SLC25A48: variants seen among roughly 807,000 people sequenced by gnomAD.
The protein encoded by SLC25A48 is CTC-321K16.1.
Under a neutral mutation model 32.2 loss-of-function variants are expected in SLC25A48, and 29 were observed. The ratio of observed to expected loss-of-function variants is 0.90; its 90% CI spans 0.67 to 1.23. The LOEUF (loss-of-function observed/expected upper bound fraction) is 1.23. SLC25A48 is among the 50% of genes most tolerant of loss of function. The pLI is 0.00. For synonymous variants in SLC25A48, 164 were observed against 172.3 expected (o/e 0.95, Z 0.38); for missense variants, 399 against 422.7 (o/e 0.94, Z 0.49).
chr5:135,820,688 A>T (rs1383601517), intron 4 of SLC25A48, among the ~76,000 whole-genome samples: 1 of 152,240 alleles, frequency 6.6e-6, no homozygotes. Flanking sequence ...CTATTTTGGT[A>T]TTTCAAATCA....
intron 6 of SLC25A48, among the ~76,000 whole-genome samples, chr5:135,877,052 C>T (rs974724187): frequency 1.3e-4 from 20 of 152,282 alleles, no homozygotes; most frequent in Admixed American, 5.9e-4. Context: ...TTAATAATGA[C>T]GATGGTGACC....
chr5:135,644,583 T>C (rs1198088934), intron 3 of SLC25A48, among the ~76,000 whole-genome samples: 1 of 152,122 alleles, frequency 6.6e-6, no homozygotes, highest in East Asian at 1.9e-4. Context: ...GTCTTCATCA[T>C]AGCCCTGCAA....
At position 135,629,366 on chromosome 5, in the gene SLC25A48, T is replaced by C. The variant is rs1752507216; in HGVS notation, c.-719T>C. 1 of 152,244 alleles carries C rather than the reference T, an allele frequency of 6.6e-6. No individual in the cohort carries two copies. Among genetic ancestry groups the C allele is most frequent in the African/African-American group, 2.4e-5 (1 of 41,450 alleles). 9.4% of individuals were successfully genotyped at this position (152,244 alleles called of 1,614,324 possible). ...GAACGCAGCACCTGTGGCTAAGTTG[T>C]GGTCTCACAGGTCAGTGTGGGCCCT... is the stretch of plus-strand genomic sequence containing the variant. On this transcript the variant is annotated 5_prime_UTR_variant, in exon 2 of 11. Coordinates refer to the SLC25A48 transcript ENST00000646290. This position sits in a 1 kb window ranked among gnomAD's most constrained non-coding sequence, Gnocchi z 4.8.
At chr5:135,866,776 C>A (rs1219525375) in intron 4 of SLC25A48, among the ~76,000 whole-genome samples, 1 of 152,230 alleles carries the variant, frequency 6.6e-6, no homozygotes, top group Non-Finnish European at 1.5e-5. Context: ...GAGGCCTGGG[C>A]CCTCCTCCAC....
chr5:135,778,430 A>C (rs1756625200), intron 3 of SLC25A48, among the ~76,000 whole-genome samples: 1 of 151,830 alleles, frequency 6.6e-6, no homozygotes, highest in South Asian at 2.1e-4. Flanking sequence ...CCTATACAGC[A>C]GGTGGTGTAC....
At chr5:135,589,258 G>A (rs1751450044) in intron 1 of SLC25A48, among the ~76,000 whole-genome samples, 1 of 152,208 alleles carries the variant, frequency 6.6e-6, no homozygotes, top group Admixed American at 6.5e-5. Flanking sequence ...TTAAATTTGG[G>A]GTTCTCAAAG....
intron 3 of SLC25A48, among the ~76,000 whole-genome samples, chr5:135,681,742 G>C (rs1482098921): frequency 6.6e-6 from 1 of 152,128 alleles, no homozygotes; most frequent in Non-Finnish European, 1.5e-5. Flanking sequence ...TCCTTTTGCA[G>C]CTTACTTTTT....
At chr5:135,630,046 C>G (rs1222823102) in intron 2 of SLC25A48, among the ~76,000 whole-genome samples, 2 of 152,204 alleles carry the variant, frequency 1.3e-5, no homozygotes, top group Non-Finnish European at 2.9e-5. Flanking sequence ...CTCTTCACTT[C>G]CACCAGGAGG....
intron 3 of SLC25A48, among the ~76,000 whole-genome samples, chr5:135,728,110 G>T (rs1330827217): frequency 6.6e-6 from 1 of 152,008 alleles, no homozygotes; most frequent in Non-Finnish European, 1.5e-5. Context: ...ACAACAATTA[G>T]CTGGGCATGG....
chr5:135,608,024 G>A (rs1234081459), intron 1 of SLC25A48, among the ~76,000 whole-genome samples: 1 of 73,898 alleles, frequency 1.4e-5, no homozygotes. Context: ...GAACATGTGT[G>A]TGAATTTTTA....
intron 7 of SLC25A48, among the ~76,000 whole-genome samples, chr5:135,882,394 C>T (rs2126841501): frequency 6.6e-6 from 1 of 152,216 alleles, no homozygotes; most frequent in South Asian, 2.1e-4. Flanking sequence ...CTTTGAATGC[C>T]TCCCTCATTG....
chr5:135,723,207 G>A (rs1036241755), intron 3 of SLC25A48, among the ~76,000 whole-genome samples: 10 of 152,156 alleles, frequency 6.6e-5, no homozygotes, highest in African/African-American at 2.2e-4. Context: ...TAACTCCCCA[G>A]TGCACTGACA....
intron 3 of SLC25A48, among the ~76,000 whole-genome samples, chr5:135,641,380 G>A (rs1752833649): frequency 6.6e-6 from 1 of 152,220 alleles, no homozygotes; most frequent in Non-Finnish European, 1.5e-5. Flanking sequence ...GGTGCAGAAA[G>A]TCTTTTAAGT....
intron 3 of SLC25A48, chr5:135,650,014 C>T (rs1302034256): frequency 1.8e-5 from 3 of 162,344 alleles, no homozygotes; most frequent in Non-Finnish European, 4.1e-5. Flanking sequence ...GCTTCTCCTG[C>T]CAGCCATCGT....
intron 3 of SLC25A48, among the ~76,000 whole-genome samples, chr5:135,672,691 G>C: frequency 6.6e-6 from 1 of 152,188 alleles, no homozygotes; most frequent in East Asian, 1.9e-4. Context: ...TTTTGCAAAA[G>C]TTATTTATTA....
chr5:135,691,817 A>C (rs948282765), intron 3 of SLC25A48, among the ~76,000 whole-genome samples: 1 of 152,160 alleles, frequency 6.6e-6, no homozygotes, highest in Non-Finnish European at 1.5e-5. Flanking sequence ...GATTAGGTAG[A>C]TGAGTGCTGA....
chr5:135,598,160 A>G (rs1226755405), intron 1 of SLC25A48, among the ~76,000 whole-genome samples: 1 of 152,230 alleles, frequency 6.6e-6, no homozygotes, highest in East Asian at 1.9e-4. Flanking sequence ...AAAAAAAGTG[A>G]CATAATTATT....
rs1186504562 is a variant in SLC25A48, at chr5:135,834,710, C to G, written c.-138C>G. 7 of 921,200 alleles carry G rather than the reference C, an allele frequency of 7.6e-6. No individual in the cohort carries two copies. The East Asian group carries it at 2.0e-4, about 26-fold the overall frequency. 57.1% of individuals were successfully genotyped at this position (921,200 alleles called of 1,614,324 possible). A position where few individuals can be genotyped will look rare whatever the true frequency, so the allele number is the denominator to read the frequency against. ...GCCCGCGCAGCCGGTGACTGGGGGA[C>G]TGGGTTTGGAGTAGGACCTGCGGCG... On this transcript the variant is annotated 5_prime_UTR_variant, in exon 1 of 8. Transcript: ENST00000681962.
At chr5:135,764,945 C>T (rs1460012782) in intron 3 of SLC25A48, among the ~76,000 whole-genome samples, 1 of 151,710 alleles carries the variant, frequency 6.6e-6, no homozygotes, top group Non-Finnish European at 1.5e-5. Context: ...TAGTACTCCC[C>T]ATATCACGGG....
Sources: allele counts gnomAD v4.1 joint callset (sites outside exome capture counted in the v4.1 genomes callset), GRCh38; gene constraint gnomAD v4.1.1; non-coding constraint Gnocchi (gnomAD v3.1); transcripts MANE v1.5; gene names NCBI Gene and HGNC (gene_info 2026-07-23, HGNC 2026-07-21).